The following RBMS3 variants were observed in gnomAD, a reference collection of about 807,000 sequenced individuals.
RBMS3 encodes RNA-binding motif, single-stranded-interacting protein 3.
Under a neutral mutation model 66.8 loss-of-function variants are expected in RBMS3, and 27 were observed. That is an observed-to-expected ratio of 0.40 (90% CI 0.30 to 0.56). The LOEUF is 0.56. Ranked by LOEUF, RBMS3 falls within the 20% of genes least tolerant of loss-of-function variation. RBMS3 has a pLI of 0.40. For synonymous variants in RBMS3, 188 were observed against 183.0 expected, an observed-to-expected ratio of 1.03 and a Z score of -0.22; for missense variants, 513 against 549.5, an observed-to-expected ratio of 0.93 and a Z score of 0.66.
chr3:29,308,712 C>A, intron 1 of RBMS3, among the ~76,000 whole-genome samples: 1 of 137,362 alleles, frequency 7.3e-6, no homozygotes, highest in South Asian at 2.3e-4. Flanking sequence ...ATATATGTGC[C>A]TGAAAGAAAT....
chr3:29,388,149 A>G (rs2039101046), intron 1 of RBMS3, among the ~76,000 whole-genome samples: 1 of 152,138 alleles, frequency 6.6e-6, no homozygotes, highest in Admixed American at 6.5e-5. Context: ...TAAAAAATAC[A>G]TGTGTATCAC....
chr3:29,907,630 G>T (rs540149246), intron 10 of RBMS3, among the ~76,000 whole-genome samples: 1 of 151,638 alleles, frequency 6.6e-6, no homozygotes, highest in East Asian at 1.9e-4. Flanking sequence ...ATATACTTCC[G>T]GATTATACTT....
At chr3:29,566,965 A>G (rs2046766192) in intron 3 of RBMS3, among the ~76,000 whole-genome samples, 1 of 152,172 alleles carries the variant, frequency 6.6e-6, no homozygotes, top group African/African-American at 2.4e-5. Context: ...GCTTAAATTC[A>G]TCTTCTCCAT....
At chr3:29,980,750 G>A (rs1273103716) in intron 12 of RBMS3, among the ~76,000 whole-genome samples, 1 of 152,116 alleles carries the variant, frequency 6.6e-6, no homozygotes, top group Non-Finnish European at 1.5e-5. Flanking sequence ...GTAGATGTAT[G>A]GCATATTTCT....
intron 14 of RBMS3, among the ~76,000 whole-genome samples, chr3:29,995,013 C>T (rs1189140459): frequency 2.0e-5 from 3 of 151,650 alleles, no homozygotes; most frequent in Admixed American, 6.6e-5. Context: ...GCAAAGAAGT[C>T]AAAAACTTTG....
intron 1 of RBMS3, among the ~76,000 whole-genome samples, chr3:29,350,369 C>T (rs553634652): frequency 7.2e-5 from 11 of 151,992 alleles, no homozygotes; most frequent in Admixed American, 3.3e-4. Context: ...TAGAGATTGC[C>T]AATATATGTA....
chr3:29,334,720 C>T (rs1040549357), intron 1 of RBMS3, among the ~76,000 whole-genome samples: 3 of 152,138 alleles, frequency 2.0e-5, no homozygotes, highest in African/African-American at 4.8e-5. Flanking sequence ...CTGCATTGCG[C>T]TTTAAAGAAT....
intron 4 of RBMS3, among the ~76,000 whole-genome samples, chr3:29,660,711 G>T (rs1576460603): frequency 6.6e-6 from 1 of 152,084 alleles, no homozygotes; most frequent in East Asian, 1.9e-4. Flanking sequence ...ATTCTTTCCA[G>T]ATCTTTTCTG....
intron 1 of RBMS3, among the ~76,000 whole-genome samples, chr3:29,402,464 G>C (rs1458051880): frequency 6.7e-6 from 1 of 148,576 alleles, no homozygotes; most frequent in East Asian, 1.9e-4. Flanking sequence ...CAGTGATGTA[G>C]GTTTTTACAA....
intron 14 of RBMS3, among the ~76,000 whole-genome samples, chr3:29,999,243 C>T (rs1236715897): frequency 6.6e-6 from 1 of 152,076 alleles, no homozygotes; most frequent in Non-Finnish European, 1.5e-5. Context: ...GAATGGCAAT[C>T]ATTAAAAAGT....
intron 6 of RBMS3, among the ~76,000 whole-genome samples, chr3:29,802,557 G>A (rs970566513): frequency 1.3e-5 from 2 of 152,162 alleles, no homozygotes; most frequent in Non-Finnish European, 2.9e-5. Flanking sequence ...AAAGAACATT[G>A]TTTGCTCCTG....
At chr3:29,377,731 C>T (rs1306884771) in intron 1 of RBMS3, among the ~76,000 whole-genome samples, 1 of 152,188 alleles carries the variant, frequency 6.6e-6, no homozygotes, top group Non-Finnish European at 1.5e-5. Flanking sequence ...TCCAGCCATG[C>T]TCCTGTATCA....
chr3:29,596,255 A>G (rs1308805063), intron 4 of RBMS3, among the ~76,000 whole-genome samples: 1 of 152,218 alleles, frequency 6.6e-6, no homozygotes, highest in Non-Finnish European at 1.5e-5. Context: ...GTGGAATTAT[A>G]TAATATATGA....
intron 2 of RBMS3, among the ~76,000 whole-genome samples, chr3:29,460,121 G>A (rs188022308): frequency 2.5e-4 from 38 of 152,256 alleles, no homozygotes; most frequent in African/African-American, 8.9e-4. Context: ...ATATAACAAG[G>A]TAATTGTTAG....
intron 14 of RBMS3, 95 bp from the exon 15 acceptor site, chr3:30,003,761 G>C (rs1699716621): frequency 1.2e-6 from 1 of 828,204 alleles, no homozygotes; most frequent in Admixed American, 3.1e-5. Context: ...TGAAAGCTTG[G>C]TATCTTTTAA....
rs577795485 is a variant in RBMS3, at chr3:29,914,763, A to G, written c.939+15008A>G. Among the ~76,000 whole-genome samples the G allele has an allele frequency of 1.1e-4, 17 of 152,070 alleles. No individual in the cohort carries two copies. In the South Asian group the frequency reaches 3.5e-3, roughly 32 times the overall value. Reference sequence around the variant, plus strand: ...GAAAATAGAGATACTTCAAATTAGAAGAAATCTTAGGAGCCCCCAATGAAG... The same window carrying G: ...GAAAATAGAGATACTTCAAATTAGAGGAAATCTTAGGAGCCCCCAATGAAG... On this transcript the variant is annotated intron_variant, in intron 10 of 14. Coordinates refer to ENST00000383767, the MANE Select transcript of RBMS3 (RefSeq NM_001003793.3).
intron 6 of RBMS3, among the ~76,000 whole-genome samples, chr3:29,795,170 G>A (rs1039598176): frequency 1.3e-5 from 2 of 152,170 alleles, no homozygotes; most frequent in African/African-American, 2.4e-5. Context: ...AAAACTGCAC[G>A]GCTGGTACCT....
At chr3:29,942,305 G>C (rs898728093) in intron 11 of RBMS3, among the ~76,000 whole-genome samples, 1 of 151,678 alleles carries the variant, frequency 6.6e-6, no homozygotes, top group Non-Finnish European at 1.5e-5. Context: ...GATTGCTTGA[G>C]GTCAGGAGTT....
chr3:29,360,936 T>G (rs2037546836), intron 1 of RBMS3, among the ~76,000 whole-genome samples: 2 of 152,042 alleles, frequency 1.3e-5, no homozygotes, highest in Non-Finnish European at 2.9e-5. Context: ...TGAGCCTATG[T>G]GTGTCTCTGC....
Sources: gnomAD v4.1 joint callset for allele counts (sites outside exome capture counted in the v4.1 genomes callset) on GRCh38, gnomAD v4.1.1 for gene constraint, MANE v1.5 for transcripts, NCBI Gene and HGNC (gene_info 2026-07-23, HGNC 2026-07-21) for gene names.